Variants in FARS2 observed in about 807,000 individuals in gnomAD.
FARS2 encodes the protein phenylalanyl-tRNA synthetase 2, mitochondrial, also known as phenylalanine--tRNA ligase, mitochondrial.
In FARS2, 40 loss-of-function variants were observed where a neutral mutation model predicts 46.4. The observed-to-expected ratio is 0.86, with a 90% CI of 0.67 to 1.12. The LOEUF is 1.12. FARS2 is among the 50% of genes most tolerant of loss of function. The pLI, the probability that FARS2 is intolerant of heterozygous loss-of-function variation, is 0.00. For missense variants in FARS2, 513 were observed against 567.9 expected (o/e 0.90, Z 0.98); for synonymous variants, 234 against 214.9 (o/e 1.09, Z -0.78).
intron 1 of FARS2, among the ~76,000 whole-genome samples, chr6:5,269,727 T>A (rs1159737790): frequency 6.6e-6 from 1 of 152,186 alleles, no homozygotes; most frequent in Non-Finnish European, 1.5e-5. Context: ...TAGGTCAGTG[T>A]CTTAAGATGT....
At chr6:5,297,462 A>G (rs886133186) in intron 1 of FARS2, among the ~76,000 whole-genome samples, 23 of 152,214 alleles carry the variant, frequency 1.5e-4, no homozygotes, top group African/African-American at 5.5e-4. Context: ...AGCCTGGCCA[A>G]CATGGTGAAA....
intron 4 of FARS2, among the ~76,000 whole-genome samples, chr6:5,455,387 G>A (rs1471474726): frequency 6.6e-6 from 1 of 152,226 alleles, no homozygotes; most frequent in Non-Finnish European, 1.5e-5. Flanking sequence ...CGGCCAGATT[G>A]TGAGAGTGTT....
chr6:5,309,846 A>G (rs1205021759), intron 1 of FARS2, among the ~76,000 whole-genome samples: 1 of 152,342 alleles, frequency 6.6e-6, no homozygotes, highest in South Asian at 2.1e-4. Context: ...AATTTGGTAC[A>G]GTGTTACAAA....
intron 1 of FARS2, among the ~76,000 whole-genome samples, chr6:5,271,649 G>A (rs536614116): frequency 3.3e-4 from 43 of 130,046 alleles, no homozygotes; most frequent in Non-Finnish European, 6.0e-4. Flanking sequence ...TGCAACCTCC[G>A]CCTCCGGGGT....
intron 6 of FARS2, among the ~76,000 whole-genome samples, chr6:5,629,917 C>G (rs1482680279): frequency 6.6e-6 from 1 of 152,000 alleles, no homozygotes; most frequent in Admixed American, 6.6e-5. Flanking sequence ...CCTGTGCGGC[C>G]AAGAGTTTGG....
chr6:5,325,538 A>G (rs979660389), intron 1 of FARS2, among the ~76,000 whole-genome samples: 34 of 152,324 alleles, frequency 2.2e-4, no homozygotes, highest in African/African-American at 7.0e-4. Flanking sequence ...AGCAGAAGCC[A>G]CAAACACTTC....
chr6:5,613,101 T>C, intron 5 of FARS2, 68 bp from the exon 6 acceptor site: 1 of 1,418,568 alleles, frequency 7.0e-7, no homozygotes, highest in Admixed American at 1.9e-5. Context: ...TGCAACTTTT[T>C]ATGAAAAATT....
chr6:5,572,351 C>T (rs1772705705), intron 5 of FARS2, among the ~76,000 whole-genome samples: 1 of 152,030 alleles, frequency 6.6e-6, no homozygotes, highest in African/African-American at 2.4e-5. Flanking sequence ...CCAGATCTCA[C>T]AAGAATTCAC....
At chr6:5,473,770 G>A (rs1301693155) in intron 4 of FARS2, among the ~76,000 whole-genome samples, 2 of 152,066 alleles carry the variant, frequency 1.3e-5, no homozygotes, top group African/African-American at 4.8e-5. Context: ...GATCTACCCA[G>A]GCATATAAGG....
At chr6:5,605,367 C>T (rs998252561) in intron 5 of FARS2, among the ~76,000 whole-genome samples, 3 of 152,140 alleles carry the variant, frequency 2.0e-5, no homozygotes, top group African/African-American at 7.2e-5. Flanking sequence ...AAGGGAGGCC[C>T]GAATCACTGC....
intron 5 of FARS2, among the ~76,000 whole-genome samples, chr6:5,554,275 T>A (rs1771530197): frequency 1.3e-5 from 2 of 152,136 alleles, no homozygotes; most frequent in Non-Finnish European, 2.9e-5. Flanking sequence ...TAATTTGTGA[T>A]GGGAAAGTGT....
At chr6:5,592,874 G>C (rs969186764) in intron 5 of FARS2, among the ~76,000 whole-genome samples, 1 of 152,192 alleles carries the variant, frequency 6.6e-6, no homozygotes. Flanking sequence ...AGGTACCCAG[G>C]CCTCTTGAAG....
intron 1 of FARS2, among the ~76,000 whole-genome samples, chr6:5,306,611 G>A (rs968435533): frequency 7.2e-5 from 11 of 152,252 alleles, no homozygotes; most frequent in Admixed American, 2.0e-4. Context: ...TTTTATGCAC[G>A]CTGCTGGAGT....
intron 1 of FARS2, among the ~76,000 whole-genome samples, chr6:5,339,020 A>G (rs918081734): frequency 5.3e-5 from 8 of 152,252 alleles, no homozygotes; most frequent in Admixed American, 2.6e-4. Context: ...AGTTGAAACT[A>G]AAGTTTATAT....
intron 6 of FARS2, among the ~76,000 whole-genome samples, chr6:5,757,872 T>C (rs968894751): frequency 6.6e-6 from 1 of 152,236 alleles, no homozygotes; most frequent in Non-Finnish European, 1.5e-5. Context: ...ATTAATAAAA[T>C]GTCTTCAATT....
chr6:5,668,690 T>G (rs1778276733), intron 6 of FARS2, among the ~76,000 whole-genome samples: 1 of 139,710 alleles, frequency 7.2e-6, no homozygotes, highest in African/African-American at 2.7e-5. Context: ...GTTTGGGTTT[T>G]TTTTTTTTTT....
chr6:5,480,946 C>G (rs1387539782), intron 4 of FARS2, among the ~76,000 whole-genome samples: 2 of 152,176 alleles, frequency 1.3e-5, no homozygotes, highest in Non-Finnish European at 2.9e-5. Flanking sequence ...TGTGCACACG[C>G]ATACGTGCAT....
chr6:5,277,468 AT>A (rs542512595), intron 1 of FARS2, among the ~76,000 whole-genome samples: 2 of 152,060 alleles, frequency 1.3e-5, no homozygotes, highest in South Asian at 4.1e-4. Context: ...AATAATACAC[AT>A]TTTTTTTATT....
At chr6:5,713,802 C>T (rs1398538260) in intron 6 of FARS2, among the ~76,000 whole-genome samples, 1 of 152,166 alleles carries the variant, frequency 6.6e-6, no homozygotes, top group Non-Finnish European at 1.5e-5. Context: ...ATGATTCGGC[C>T]CAGGTGTAAC....
Sources: allele counts gnomAD v4.1 joint callset (sites outside exome capture counted in the v4.1 genomes callset), GRCh38; gene constraint gnomAD v4.1.1; transcripts MANE v1.5; gene names NCBI Gene and HGNC (gene_info 2026-07-23, HGNC 2026-07-21).